The following NAV2 variants were observed in gnomAD, a reference collection of about 807,000 sequenced individuals.
The protein encoded by NAV2 is neuron navigator 2.
In NAV2, 54 loss-of-function variants were observed where a neutral mutation model predicts 223.2. The ratio of observed to expected loss-of-function variants is 0.24; its 90% confidence interval spans 0.19 to 0.30. The LOEUF (loss-of-function observed/expected upper bound fraction) is 0.30, where lower values mean the gene tolerates loss of function less well. Among genes scored for constraint, NAV2 ranks in the 10% least tolerant of loss-of-function variants. NAV2 has a pLI of 1.00. For synonymous variants in NAV2, 1,279 were observed against 1,239.3 expected (o/e 1.03, Z -0.67); for missense variants, 2,806 against 3,147.5 (o/e 0.89, Z 2.60).
At chr11:19,512,598 C>T (rs2043313414) in intron 1 of NAV2, among the ~76,000 whole-genome samples, 1 of 152,148 alleles carries the variant, frequency 6.6e-6, no homozygotes, top group Non-Finnish European at 1.5e-5. Flanking sequence ...AGTGAAAGCT[C>T]AATTAACTAG....
intron 1 of NAV2, among the ~76,000 whole-genome samples, chr11:19,610,156 T>C (rs1473686085): frequency 6.6e-6 from 1 of 152,224 alleles, no homozygotes; most frequent in African/African-American, 2.4e-5. Context: ...TGACAGAGAA[T>C]GGTTGAACTC....
chr11:19,669,420 C>A (rs751691454), intron 1 of NAV2, among the ~76,000 whole-genome samples: 1 of 152,250 alleles, frequency 6.6e-6, no homozygotes, highest in African/African-American at 2.4e-5. Context: ...AAGTGACTTA[C>A]CCTCTCTGTG....
intron 1 of NAV2, among the ~76,000 whole-genome samples, chr11:19,422,528 G>A (rs1205418017): frequency 2.6e-5 from 4 of 152,164 alleles, no homozygotes; most frequent in Non-Finnish European, 5.9e-5. Flanking sequence ...GTAGGAGCTG[G>A]AGAGCCTGAT....
At chr11:19,459,764 C>T (rs913849926) in intron 1 of NAV2, among the ~76,000 whole-genome samples, 1 of 152,108 alleles carries the variant, frequency 6.6e-6, no homozygotes, top group Non-Finnish European at 1.5e-5. Context: ...CTGGAAAAGC[C>T]TTTTGGAATC....
At chr11:19,428,333 T>A (rs1850915467) in intron 1 of NAV2, among the ~76,000 whole-genome samples, 4 of 152,176 alleles carry the variant, frequency 2.6e-5, no homozygotes, top group Admixed American at 1.3e-4. Context: ...GTGGCTTATC[T>A]CAGTACTGGG....
At chr11:20,006,402 T>C (rs1475407353) in intron 11 of NAV2, among the ~76,000 whole-genome samples, 1 of 152,070 alleles carries the variant, frequency 6.6e-6, no homozygotes, top group African/African-American at 2.4e-5. Flanking sequence ...TGTGGCCGAA[T>C]GCAGTGGCTC....
chr11:20,104,214 G>A (rs939735702), intron 34 of NAV2: 8 of 173,932 alleles, frequency 4.6e-5, no homozygotes, highest in South Asian at 1.4e-4. Flanking sequence ...TCCCTGCCCC[G>A]CTGCCATAGC....
chr11:19,434,162 T>C (rs1158629150), intron 1 of NAV2, among the ~76,000 whole-genome samples: 1 of 151,752 alleles, frequency 6.6e-6, no homozygotes, highest in African/African-American at 2.4e-5. Context: ...CAGTCTGTTA[T>C]AAGAAACAGA....
chr11:19,840,933 A>T (rs1386694633), intron 2 of NAV2, among the ~76,000 whole-genome samples: 1 of 152,232 alleles, frequency 6.6e-6, no homozygotes, highest in Non-Finnish European at 1.5e-5. Context: ...ATTCTTATGA[A>T]GTTTACAAGC....
intron 1 of NAV2, among the ~76,000 whole-genome samples, chr11:19,434,996 C>T (rs956319013): frequency 4.6e-5 from 7 of 151,682 alleles, no homozygotes; most frequent in Admixed American, 2.0e-4. Flanking sequence ...TATATATTTA[C>T]GGGGTATGGT....
At chr11:19,566,031 G>GATTATTTTATTTT (rs1554964881) in intron 1 of NAV2, among the ~76,000 whole-genome samples, 1 of 138,494 alleles carries the variant, frequency 7.2e-6, no homozygotes, top group African/African-American at 2.7e-5. Flanking sequence ...TATCCAAGGA[G>GATTATTTTATTTT]ATTTTATTTT....
rs59491804 is a variant in NAV2 at position 20,042,904 on chromosome 11, A to G, written c.2908-1077A>G. 2.6e-3 allele frequency among the ~76,000 whole-genome samples: 401 copies of G among 152,222 alleles called. 4 individuals carry two copies. The highest frequency in any genetic ancestry group is 9.2e-3 in the African/African-American group (380 of 41,506). On this transcript the variant is annotated intron_variant, in intron 12 of 37. Coordinates refer to ENST00000349880, the MANE Select transcript of NAV2 (RefSeq NM_145117.5). ...CCTCCAAAGCATTCTGGTCAGCTTT[A>G]TGCCTTTTAGCTGCAGGAGATCATT...
chr11:19,924,241 T>A (rs117640195), intron 6 of NAV2, among the ~76,000 whole-genome samples: 1 of 150,318 alleles, frequency 6.7e-6, no homozygotes, highest in African/African-American at 2.5e-5. Context: ...ACATACCTTG[T>A]AAAACTGTTT....
chr11:19,515,303 A>G (rs1237119652), intron 1 of NAV2, among the ~76,000 whole-genome samples: 1 of 152,190 alleles, frequency 6.6e-6, no homozygotes, highest in South Asian at 2.1e-4. Context: ...TTTTCCATCT[A>G]TAAAATGGGG....
chr11:19,624,884 G>C (rs1263583125), intron 1 of NAV2, among the ~76,000 whole-genome samples: 1 of 152,018 alleles, frequency 6.6e-6, no homozygotes, highest in Non-Finnish European at 1.5e-5. Context: ...TACCTATTCG[G>C]CCATCTTGGA....
intron 1 of NAV2, among the ~76,000 whole-genome samples, chr11:19,773,854 C>A (rs558414520): frequency 2.0e-5 from 3 of 152,216 alleles, no homozygotes; most frequent in African/African-American, 7.2e-5. Context: ...AATTGGTCTC[C>A]CTTCCTCCAG....
chr11:19,573,064 G>T (rs1446306488), intron 1 of NAV2, among the ~76,000 whole-genome samples: 1 of 152,058 alleles, frequency 6.6e-6, no homozygotes, highest in Non-Finnish European at 1.5e-5. Context: ...ATCATGTGAG[G>T]ACTCCGTCTT....
chr11:19,934,899 G>C (rs2045710046), intron 7 of NAV2, among the ~76,000 whole-genome samples: 1 of 152,110 alleles, frequency 6.6e-6, no homozygotes, highest in African/African-American at 2.4e-5. Context: ...GGATCCTTCT[G>C]TCTTTATCTG....
chr11:19,926,973 G>A (rs2044812809), intron 6 of NAV2, among the ~76,000 whole-genome samples: 1 of 152,174 alleles, frequency 6.6e-6, no homozygotes, highest in Admixed American at 6.5e-5. Context: ...AAGGAGAGAG[G>A]AAGAAATGCT....
Sources: allele counts gnomAD v4.1 joint callset (sites outside exome capture counted in the v4.1 genomes callset), GRCh38; gene constraint gnomAD v4.1.1; transcripts MANE v1.5; gene names NCBI Gene and HGNC (gene_info 2026-07-23, HGNC 2026-07-21).